Variants in ADAMTS12 observed in about 807,000 individuals in gnomAD.
ADAMTS12 encodes ADAM metallopeptidase with thrombospondin type 1 motif 12, also known as A disintegrin and metalloproteinase with thrombospondin motifs 12.
A neutral mutation model predicts 167.8 loss-of-function variants in ADAMTS12; 118 were observed. That is an observed-to-expected ratio of 0.70 (90% CI 0.61 to 0.82). The LOEUF (loss-of-function observed/expected upper bound fraction) is 0.82, where lower values mean the gene tolerates loss of function less well. Ranked by LOEUF, ADAMTS12 falls within the 40% of genes least tolerant of loss-of-function variation. ADAMTS12 has a pLI of 0.00. For missense variants in ADAMTS12, 1,916 were observed against 1,998.8 expected, an observed-to-expected ratio of 0.96 and a Z score of 0.79; for synonymous variants, 704 against 716.9, an observed-to-expected ratio of 0.98 and a Z score of 0.29.
intron 1 of ADAMTS12, among the ~76,000 whole-genome samples, chr5:33,882,201 A>G (rs923760129): frequency 2.6e-5 from 4 of 151,972 alleles, no homozygotes; most frequent in South Asian, 2.1e-4. Context: ...GATTAGAGGG[A>G]AAAAAAACAC....
intron 12 of ADAMTS12, 34 bp from the exon 13 acceptor site, chr5:33,630,947 T>C: frequency 3.1e-6 from 5 of 1,603,000 alleles, no homozygotes; most frequent in Non-Finnish European, 4.3e-6. Flanking sequence ...GCCTTGCAAA[T>C]TAGCTTTTAG....
rs549716298 is a variant in ADAMTS12 at position 33,524,930 on chromosome 5, C to T, written c.*2258G>A. The T allele has an allele frequency of 1.1e-4, 17 of 152,214 alleles. No homozygotes were observed. The highest frequency in any genetic ancestry group is 2.5e-4 in the Non-Finnish European group (17 of 68,050). 9.4% of individuals were successfully genotyped at this position (152,214 alleles called of 1,614,324 possible). A position where few individuals can be genotyped will look rare whatever the true frequency, so the allele number is the denominator to read the frequency against. On this transcript the variant is annotated 3_prime_UTR_variant, in exon 24 of 24. Transcript: ENST00000504830. ...TCTCCACCACGTGGATTGTAAATAA[C>T]GTGGTCCATTTTGTACACGGAGAAA...
At chr5:33,554,298 G>C (rs1010562424) in intron 20 of ADAMTS12, among the ~76,000 whole-genome samples, 14 of 152,304 alleles carry the variant, frequency 9.2e-5, no homozygotes, top group African/African-American at 3.4e-4. Context: ...CAGAATGCTA[G>C]AGCAGGGGGT....
At chr5:33,783,043 A>C (rs1352710300) in intron 2 of ADAMTS12, among the ~76,000 whole-genome samples, 1 of 152,044 alleles carries the variant, frequency 6.6e-6, no homozygotes, top group Middle Eastern at 3.2e-3. Context: ...TTATCAAGAA[A>C]TGTAAAAGAG....
At chr5:33,716,137 GC>G (rs1389089845) in intron 3 of ADAMTS12, among the ~76,000 whole-genome samples, 1 of 152,088 alleles carries the variant, frequency 6.6e-6, no homozygotes, top group Non-Finnish European at 1.5e-5. Flanking sequence ...GGAATGTGGG[GC>G]CCTCGTAAAT....
At chr5:33,866,224 G>T (rs1396643768) in intron 2 of ADAMTS12, among the ~76,000 whole-genome samples, 1 of 152,048 alleles carries the variant, frequency 6.6e-6, no homozygotes, top group African/African-American at 2.4e-5. Flanking sequence ...AAAAGAGCAT[G>T]GTACTGTTAT....
intron 5 of ADAMTS12, among the ~76,000 whole-genome samples, chr5:33,665,320 A>T (rs1260812378): frequency 6.6e-6 from 1 of 152,212 alleles, no homozygotes; most frequent in Non-Finnish European, 1.5e-5. Context: ...ATTGTACAAC[A>T]TGGTGACTGT....
Position 33,875,402 on chromosome 5 carries a change from T to C in ADAMTS12, c.489+5717A>G, listed in dbSNP as rs116394882. The stretch of plus-strand genomic sequence containing the variant: ...CTACTCCGGTGGGGGATGTTGAAAA[T>C]GGGAGAAGCTATGTATATATGGGAG... On this transcript the variant is annotated intron_variant, in intron 2 of 23. Coordinates refer to ENST00000504830, the MANE Select transcript of ADAMTS12 (RefSeq NM_030955.4). 7.2e-3 allele frequency among the ~76,000 whole-genome samples: 1,099 copies of C among 152,272 alleles called. 14 individuals carry two copies. The highest frequency in any genetic ancestry group is 0.025 in the African/African-American group (1,050 of 41,550).
chr5:33,710,321 A>G (rs942836584), intron 3 of ADAMTS12, among the ~76,000 whole-genome samples: 1 of 152,200 alleles, frequency 6.6e-6, no homozygotes, highest in African/African-American at 2.4e-5. Flanking sequence ...CATATAAGAC[A>G]GCCTAAGAAT....
chr5:33,821,525 C>T (rs2591731), intron 2 of ADAMTS12, among the ~76,000 whole-genome samples: 73,671 of 151,914 alleles, frequency 0.48, 18,608 homozygotes, highest in Non-Finnish European at 0.54. Flanking sequence ...TTAGGTCATA[C>T]AAATTTTTAT....
At chr5:33,839,070 C>CA (rs1748641385) in intron 2 of ADAMTS12, among the ~76,000 whole-genome samples, 1 of 152,154 alleles carries the variant, frequency 6.6e-6, no homozygotes, top group African/African-American at 2.4e-5. Context: ...TAAAACAGGT[C>CA]TTTTCAAACT....
chr5:33,535,472 G>T (rs949052914), intron 22 of ADAMTS12, among the ~76,000 whole-genome samples: 1 of 152,096 alleles, frequency 6.6e-6, no homozygotes, highest in African/African-American at 2.4e-5. Context: ...TGTTGTTGGT[G>T]GCCACATTTC....
chr5:33,742,607 T>A (rs185130378), intron 3 of ADAMTS12, among the ~76,000 whole-genome samples: 1 of 152,200 alleles, frequency 6.6e-6, no homozygotes, highest in Non-Finnish European at 1.5e-5. Context: ...CATTTACTCA[T>A]GCAATTAATT....
intron 5 of ADAMTS12, among the ~76,000 whole-genome samples, chr5:33,668,747 G>T (rs12187423): frequency 0.95 from 145,167 of 152,242 alleles, 69,594 homozygotes; most frequent in Non-Finnish European, 1. Context: ...GCCTCCCAAA[G>T]GGCTGGGATT....
intron 2 of ADAMTS12, among the ~76,000 whole-genome samples, chr5:33,878,454 T>A (rs904204008): frequency 1.3e-5 from 2 of 152,152 alleles, no homozygotes; most frequent in Admixed American, 6.5e-5. Flanking sequence ...GAAATCTGAA[T>A]CTGAAAATGC....
At chr5:33,750,081 T>C (rs907578008) in intron 3 of ADAMTS12, among the ~76,000 whole-genome samples, 2 of 152,188 alleles carry the variant, frequency 1.3e-5, no homozygotes, top group African/African-American at 4.8e-5. Context: ...ATTATCCAGG[T>C]GACTGGATCA....
intron 17 of ADAMTS12, among the ~76,000 whole-genome samples, chr5:33,590,076 C>T (rs1747557525): frequency 6.6e-6 from 1 of 152,122 alleles, no homozygotes; most frequent in Non-Finnish European, 1.5e-5. Context: ...ATAAGTGCCC[C>T]ACTGTATTAA....
At chr5:33,593,086 G>A (rs1215629430) in intron 17 of ADAMTS12, among the ~76,000 whole-genome samples, 1 of 152,174 alleles carries the variant, frequency 6.6e-6, no homozygotes, top group Non-Finnish European at 1.5e-5. Context: ...AGACCAGCCT[G>A]GCCAACATGG....
Position 33,535,001 on chromosome 5 carries a change from G to A in ADAMTS12, c.4447-9C>T. On this transcript the variant is annotated splice_polypyrimidine_tract_variant and intron_variant, in intron 22 of 23. Coordinates refer to ENST00000504830, the MANE Select transcript of ADAMTS12 (RefSeq NM_030955.4). ...CCACAGGAAGTGGAACACTGAAAGA[G>A]AAGGTGAACAGAGAGTCAGAAGTCC... 1 of 1,596,320 alleles carries A rather than the reference G, an allele frequency of 6.3e-7. No individual in the cohort carries two copies. Among genetic ancestry groups the A allele is most frequent in the Non-Finnish European group, 8.5e-7 (1 of 1,173,860 alleles).
Sources: allele counts gnomAD v4.1 joint callset (sites outside exome capture counted in the v4.1 genomes callset), GRCh38; gene constraint gnomAD v4.1.1; transcripts MANE v1.5; gene names NCBI Gene and HGNC (gene_info 2026-07-23, HGNC 2026-07-21).